ZNF208: variants seen among roughly 807,000 people sequenced by gnomAD.
ZNF208 encodes zinc finger protein 95.
A neutral mutation model predicts 12.1 loss-of-function variants in ZNF208; 10 were observed. The ratio of observed to expected loss-of-function variants is 0.83; its 90% CI spans 0.51 to 1.40. The LOEUF (loss-of-function observed/expected upper bound fraction) is 1.40. Ranked by LOEUF, ZNF208 falls within the 40% of genes most tolerant of loss-of-function variation. ZNF208 has a pLI of 0.00. For missense variants in ZNF208, 1,652 were observed against 1,485.0 expected, an observed-to-expected ratio of 1.11 and a Z score of -1.85; for synonymous variants, 497 against 488.4, an observed-to-expected ratio of 1.02 and a Z score of -0.23.
intron 4 of ZNF208, among the ~76,000 whole-genome samples, chr19:21,959,161 C>T (rs149841964): frequency 3.7e-4 from 56 of 151,842 alleles, no homozygotes; most frequent in Non-Finnish European, 3.8e-4. Context: ...AGGACAGGAC[C>T]CTGGATGATG....
intron 1 of ZNF208, chr19:21,991,874 A>T (rs1970743510): frequency 1.3e-5 from 2 of 152,096 alleles, no homozygotes; most frequent in Admixed American, 6.6e-5. Flanking sequence ...CAAGCTAGAG[A>T]TCCTGTTAAT....
chr19:22,010,655 G>A (rs1971130942), intron 1 of ZNF208, 137 bp downstream of exon 1: 17 of 1,339,876 alleles, frequency 1.3e-5, no homozygotes, highest in Admixed American at 1.8e-5. Flanking sequence ...GAACCGGACT[G>A]AGGTCGAGCT....
At chr19:21,942,411 A>T (rs1969755026) in intron 4 of ZNF208, among the ~76,000 whole-genome samples, 1 of 152,208 alleles carries the variant, frequency 6.6e-6, no homozygotes, top group African/African-American at 2.4e-5. Context: ...TTTATTTTAT[A>T]AACAGTGTAT....
At chr19:22,008,132 G>A (rs941845326) in intron 1 of ZNF208, among the ~76,000 whole-genome samples, 31 of 150,148 alleles carry the variant, frequency 2.1e-4, no homozygotes, top group African/African-American at 6.9e-4. Flanking sequence ...GTGAAATTCC[G>A]TCTCTACCAC....
chr19:21,983,604 A>C (rs138933637), intron 3 of ZNF208, among the ~76,000 whole-genome samples: 2 of 152,264 alleles, frequency 1.3e-5, no homozygotes, highest in East Asian at 3.9e-4. Context: ...AACCAACCCA[A>C]ATGCCCATCA....
chr19:21,941,551 T>A (rs1219045261), intron 4 of ZNF208: 11 of 384,420 alleles, frequency 2.9e-5, no homozygotes, highest in African/African-American at 4.3e-5. Context: ...TGTTTTTTTT[T>A]AAACTAAAGT....
chr19:21,993,299 G>A (rs1006933694), intron 1 of ZNF208, among the ~76,000 whole-genome samples: 1 of 151,968 alleles, frequency 6.6e-6, no homozygotes, highest in African/African-American at 2.4e-5. Flanking sequence ...TAGGTTCTTG[G>A]ACCACCCTTT....
chr19:21,955,550 C>G (rs775182664), intron 4 of ZNF208, among the ~76,000 whole-genome samples: 1 of 152,160 alleles, frequency 6.6e-6, no homozygotes, highest in Non-Finnish European at 1.5e-5. Context: ...TTTCTCTAAA[C>G]TTTTCTTCTC....
chr19:21,953,801 AT>A (rs1299361314), intron 4 of ZNF208, among the ~76,000 whole-genome samples: 1 of 151,518 alleles, frequency 6.6e-6, no homozygotes, highest in Admixed American at 6.6e-5. Context: ...GGATTAATTG[AT>A]TTTTTGAAGG....
chr19:21,956,683 G>A (rs1042332414), intron 4 of ZNF208, among the ~76,000 whole-genome samples: 15 of 152,186 alleles, frequency 9.9e-5, no homozygotes, highest in African/African-American at 3.6e-4. Context: ...TAAGACCATT[G>A]GAAAAGCACA....
chr19:21,962,680 A>C (rs1313147570), downstream of ZNF208, among the ~76,000 whole-genome samples: 1 of 152,152 alleles, frequency 6.6e-6, no homozygotes, highest in African/African-American at 2.4e-5. Flanking sequence ...TGAGAAAAGC[A>C]GTTTTCTAGC....
chr19:21,964,525 AAAC>A (rs1290036281), downstream of ZNF208, among the ~76,000 whole-genome samples: 3 of 151,714 alleles, frequency 2.0e-5, no homozygotes, highest in Non-Finnish European at 4.4e-5. Flanking sequence ...AGTAAACAAA[AAAC>A]AATATGCCTT....
At position 21,968,872 on chromosome 19, in the gene ZNF208, A is replaced by C. The variant is rs1970221095; in HGVS notation, c.*2319T>G. Among the ~76,000 whole-genome samples the C allele has an allele frequency of 6.6e-6, 1 of 152,068 alleles. No homozygotes were observed. Among genetic ancestry groups the C allele is most frequent in the Non-Finnish European group, 1.5e-5 (1 of 68,002 alleles). On this transcript the variant is annotated 3_prime_UTR_variant, in exon 4 of 4. Coordinates refer to ENST00000397126, the MANE Select transcript of ZNF208 (RefSeq NM_007153.3). ...TACAATGTCATTATACATTTTATAC[A>C]TTTTTGCTCTGCTAAAGACTTCTGT...
At chr19:21,953,712 G>C (rs1387773711) in intron 4 of ZNF208, among the ~76,000 whole-genome samples, 1 of 152,014 alleles carries the variant, frequency 6.6e-6, no homozygotes, top group Admixed American at 6.6e-5. Flanking sequence ...AACATGCCAA[G>C]TTGTAAAGAC....
rs8109537 is a variant in ZNF208 at position 21,981,429 on chromosome 19, G to A, written c.226+5787C>T. Among the ~76,000 whole-genome samples the A allele has an allele frequency of 8.9e-3, 1,356 of 151,668 alleles. 22 individuals carry two copies. The highest frequency in any genetic ancestry group is 0.032 in the African/African-American group (1,306 of 41,376). On this transcript the variant is annotated intron_variant, in intron 3 of 3. Transcript: ENST00000397126. Reference sequence around the variant, plus strand: ...CATACACAAATCAATAAACATAATCGCTCACATAAACACAACCAATGACAA... The same window carrying A: ...CATACACAAATCAATAAACATAATCACTCACATAAACACAACCAATGACAA...
intron 3 of ZNF208, among the ~76,000 whole-genome samples, chr19:21,984,766 A>C (rs1169530262): frequency 1.3e-5 from 2 of 152,198 alleles, no homozygotes; most frequent in Non-Finnish European, 2.9e-5. Flanking sequence ...GAATCTCAAA[A>C]GACAATAAAG....
At chr19:21,949,059 C>T (rs996936085) in intron 4 of ZNF208, among the ~76,000 whole-genome samples, 1 of 152,056 alleles carries the variant, frequency 6.6e-6, no homozygotes, top group African/African-American at 2.4e-5. Context: ...GATAAAAATC[C>T]CCTGGCCTTT....
intron 3 of ZNF208, among the ~76,000 whole-genome samples, chr19:21,980,911 CCAT>C (rs1970526113): frequency 6.6e-6 from 1 of 152,084 alleles, no homozygotes; most frequent in African/African-American, 2.4e-5. Flanking sequence ...ATACAAACTA[CCAT>C]CAGACAATAC....
intron 1 of ZNF208, among the ~76,000 whole-genome samples, chr19:22,001,718 T>C (rs1310494808): frequency 1.3e-5 from 2 of 151,456 alleles, no homozygotes; most frequent in East Asian, 3.9e-4. Context: ...GATGAAACCC[T>C]GTCTCTTCTA....
Sources: gnomAD v4.1 joint callset for allele counts (sites outside exome capture counted in the v4.1 genomes callset) on GRCh38, gnomAD v4.1.1 for gene constraint, MANE v1.5 for transcripts, NCBI Gene and HGNC (gene_info 2026-07-23, HGNC 2026-07-21) for gene names.